Variants in PDC observed in about 807,000 individuals in gnomAD.
The protein encoded by PDC is 33 kDa phototransducing protein.
In PDC, 19 loss-of-function variants were observed where a neutral mutation model predicts 22.2. The observed-to-expected ratio is 0.86, with a 90% CI of 0.60 to 1.26. PDC has a LOEUF of 1.26. Among genes scored for constraint, PDC ranks in the 50% most tolerant of loss-of-function variants. The pLI is 0.00. For missense variants in PDC, 274 were observed against 286.8 expected, an observed-to-expected ratio of 0.96 and a Z score of 0.32; for synonymous variants, 97 against 96.2, an observed-to-expected ratio of 1.01 and a Z score of -0.05.
intron 1 of PDC, among the ~76,000 whole-genome samples, chr1:186,452,584 G>A (rs868726012): frequency 5.3e-5 from 8 of 151,972 alleles, no homozygotes; most frequent in Non-Finnish European, 8.8e-5. Context: ...CTTCAATTTC[G>A]GCACATAATA....
chr1:186,444,568 GC>G, intron 3 of PDC, 62 bp from the exon 4 acceptor site: 1 of 1,125,634 alleles, frequency 8.9e-7, no homozygotes, highest in Non-Finnish European at 1.3e-6. Context: ...GATATACCAA[GC>G]CCATTCTCAA....
intron 3 of PDC, among the ~76,000 whole-genome samples, chr1:186,445,174 A>C (rs1451437453): frequency 6.6e-6 from 1 of 152,096 alleles, no homozygotes; most frequent in Non-Finnish European, 1.5e-5. Flanking sequence ...TATTCCCCCA[A>C]CCAAAAAAGA....
intron 1 of PDC, among the ~76,000 whole-genome samples, chr1:186,457,502 T>A (rs561049528): frequency 1.3e-5 from 2 of 152,344 alleles, no homozygotes; most frequent in South Asian, 4.1e-4. Context: ...ACCCATGATT[T>A]TGCGGATCAT....
chr1:186,454,391 C>A (rs903750204), intron 1 of PDC, among the ~76,000 whole-genome samples: 2 of 152,046 alleles, frequency 1.3e-5, no homozygotes, highest in Admixed American at 1.3e-4. Flanking sequence ...GTTGGCCAGG[C>A]TGGTCTTGAA....
chr1:186,448,610 A>G, intron 2 of PDC: 13 of 678,366 alleles, frequency 1.9e-5, no homozygotes, highest in Non-Finnish European at 2.4e-5. Context: ...CTTCCTTTTT[A>G]TAAATGAATT....
intron 2 of PDC, among the ~76,000 whole-genome samples, chr1:186,447,155 A>T (rs1235561972): frequency 6.7e-6 from 1 of 149,008 alleles, no homozygotes; most frequent in African/African-American, 2.5e-5. Context: ...TTGGCAGATT[A>T]TTTTTTTTTT....
In PDC at chr1:186,443,574, A is replaced by G. The variant is rs998816999; in HGVS notation, c.*405T>C. On this transcript the variant is annotated 3_prime_UTR_variant, in exon 4 of 4. Coordinates refer to ENST00000391997, the MANE Select transcript of PDC (RefSeq NM_002597.5). Reference sequence around the variant, plus strand: ...ATGCTTGAGAAAGAATAGACTTCAAATAGAAAATTTATTTTCTCATGAGAT... The same window carrying G: ...ATGCTTGAGAAAGAATAGACTTCAAGTAGAAAATTTATTTTCTCATGAGAT... 2 of 157,292 alleles carry G rather than the reference A, an allele frequency of 1.3e-5. No individual in the cohort carries two copies. Among genetic ancestry groups the G allele is most frequent in the Admixed American group, 6.3e-5 (1 of 15,866 alleles). The allele number at this position is 157,292 out of a possible 1,614,324, so 9.7% of individuals were successfully genotyped here. A position where few individuals can be genotyped will look rare whatever the true frequency, so the allele number is the denominator to read the frequency against.
chr1:186,454,325 C>T (rs1348297867), intron 1 of PDC, among the ~76,000 whole-genome samples: 6 of 151,730 alleles, frequency 4.0e-5, no homozygotes, highest in East Asian at 3.9e-4. Flanking sequence ...ATTACAGGCA[C>T]ACGCCACTAT....
In PDC at chr1:186,443,753, T is replaced by C. The variant is rs1458066894; in HGVS notation, c.*226A>G. 2.2e-6 allele frequency: 1 copy of C among 460,060 alleles called. No individual in the cohort carries two copies. The highest frequency in any genetic ancestry group is 3.8e-6 in the Non-Finnish European group (1 of 260,312). The allele number at this position is 460,060 out of a possible 1,614,324, so 28.5% of individuals were successfully genotyped here. A position where few individuals can be genotyped will look rare whatever the true frequency, so the allele number is the denominator to read the frequency against. ...CATAATATTATCCACATCCTCTTTG[T>C]CTACTAATAATGTTGCTGAAGACAG... is the stretch of plus-strand genomic sequence containing the variant. On this transcript the variant is annotated 3_prime_UTR_variant, in exon 4 of 4. Coordinates refer to ENST00000391997, the MANE Select transcript of PDC (RefSeq NM_002597.5).
intron 1 of PDC, among the ~76,000 whole-genome samples, chr1:186,452,527 C>G (rs188715408): frequency 1.6e-4 from 24 of 152,336 alleles, no homozygotes; most frequent in African/African-American, 5.8e-4. Context: ...GCATAAGGCA[C>G]CGTGCCCAGC....
chr1:186,456,014 T>A (rs1473680976), intron 1 of PDC, among the ~76,000 whole-genome samples: 7 of 121,902 alleles, frequency 5.7e-5, no homozygotes, highest in African/African-American at 1.9e-4. Flanking sequence ...TATATATATA[T>A]ATATATATAT....
intron 1 of PDC, among the ~76,000 whole-genome samples, chr1:186,452,673 A>T (rs753959200): frequency 6.6e-6 from 1 of 152,262 alleles, no homozygotes; most frequent in South Asian, 2.1e-4. Context: ...CATTTAAAAA[A>T]TATAAACATT....
chr1:186,459,686 G>GT (rs1411610968), intron 1 of PDC, among the ~76,000 whole-genome samples: 4 of 147,272 alleles, frequency 2.7e-5, no homozygotes, highest in South Asian at 2.1e-4. Context: ...GATCTCTAAA[G>GT]TTTTTTCTAG....
At chr1:186,460,643 AT>A (rs1012617451) in intron 1 of PDC, among the ~76,000 whole-genome samples, 1 of 152,212 alleles carries the variant, frequency 6.6e-6, no homozygotes, top group African/African-American at 2.4e-5. Context: ...CCTGGAACAT[AT>A]CCCCCTTGGA....
At chr1:186,449,341 A>G in intron 2 of PDC, 58 bp downstream of exon 2, 2 of 978,672 alleles carry the variant, frequency 2.0e-6, no homozygotes, top group Non-Finnish European at 3.2e-6. Flanking sequence ...TAAGAACATT[A>G]GATATTGCCA....
chr1:186,455,027 CATAA>C (rs1424172422), intron 1 of PDC, among the ~76,000 whole-genome samples: 2 of 152,198 alleles, frequency 1.3e-5, no homozygotes, highest in Non-Finnish European at 2.9e-5. Context: ...TGTCAGAAGT[CATAA>C]ATAAACACAG....
intron 1 of PDC, among the ~76,000 whole-genome samples, chr1:186,451,433 T>C (rs2102133172): frequency 6.6e-6 from 1 of 152,260 alleles, no homozygotes; most frequent in East Asian, 1.9e-4. Flanking sequence ...GACATGAAAA[T>C]TTTTACTTCG....
chr1:186,444,372 C>G lies in PDC; in HGVS notation c.348G>C (p.Glu116Asp), dbSNP rs748825871. ...CTAGGAATTGCTTTCCAGTTTCCAGCTCATACACAAACCCATATCTAGGCC... is the reference window on the plus strand; with the variant it reads ...CTAGGAATTGCTTTCCAGTTTCCAGGTCATACACAAACCCATATCTAGGCC... ...SFGPRYGFVY[E>D]LETGKQFLET... The change falls in exon 4 of 4, where the codon GAG becomes GAC. Residue 116 changes from glutamate (E) to aspartate (D), a missense_variant. Glu to Asp is a conservative substitution (Grantham distance 45). Transcript: ENST00000391997. 6.2e-7 allele frequency: 1 copy of G among 1,614,078 alleles called. No individual in the cohort carries two copies. Among genetic ancestry groups the G allele is most frequent in the Admixed American group, 1.7e-5 (1 of 60,012 alleles).
chr1:186,453,710 G>T (rs1662398052), intron 1 of PDC, among the ~76,000 whole-genome samples: 1 of 152,134 alleles, frequency 6.6e-6, no homozygotes, highest in South Asian at 2.1e-4. Flanking sequence ...TTCATACATT[G>T]TAAATACTTC....
Sources: allele counts gnomAD v4.1 joint callset (sites outside exome capture counted in the v4.1 genomes callset), GRCh38; gene constraint gnomAD v4.1.1; transcripts MANE v1.5; gene names NCBI Gene and HGNC (gene_info 2026-07-23, HGNC 2026-07-21).